TCAF2: variants seen among roughly 807,000 people sequenced by gnomAD.
TCAF2 encodes TRPM8 channel-associated factor 2.
A neutral mutation model predicts 33.9 loss-of-function variants in TCAF2; 6 were observed. The observed-to-expected ratio is 0.18, with a 90% CI of 0.10 to 0.35. The LOEUF is 0.35. Ranked by LOEUF, TCAF2 falls within the 10% of genes least tolerant of loss-of-function variation. The pLI is 1.00. For missense variants in TCAF2, 109 were observed against 604.0 expected (o/e 0.18, Z 8.59); for synonymous variants, 41 against 247.8 (o/e 0.17, Z 7.84).
At position 143,622,683 on chromosome 7, in the gene TCAF2, C is replaced by T. The variant is rs1447268925; in HGVS notation, c.-12+1663C>T. Reference sequence around the variant, plus strand: ...CGATATCGGCTCACTGCAACCTCCGCCCCCCACCGTCAGGGTTCAAGAAAT... The same window carrying T: ...CGATATCGGCTCACTGCAACCTCCGTCCCCCACCGTCAGGGTTCAAGAAAT... On this transcript the variant is annotated intron_variant, in intron 1 of 7. Transcript: ENST00000684770. 4.8e-4 allele frequency among the ~76,000 whole-genome samples: 6 copies of T among 12,374 alleles called. 2 individuals carry two copies. The highest frequency in any genetic ancestry group is 5.8e-4 in the Non-Finnish European group (3 of 5,198). The allele number at this position is 12,374 out of a possible 152,430, so 8.1% of individuals were successfully genotyped here.
intron 7 of TCAF2, among the ~76,000 whole-genome samples, chr7:143,725,276 T>C (rs1208539898): frequency 3.4e-5 from 5 of 146,782 alleles, no homozygotes; most frequent in African/African-American, 1.3e-4. Context: ...GTCAACCCAA[T>C]AGTAGAACAC....
intron 7 of TCAF2, among the ~76,000 whole-genome samples, chr7:143,725,361 T>C (rs1319723834): frequency 3.9e-5 from 6 of 151,900 alleles, no homozygotes; most frequent in African/African-American, 1.5e-4. Flanking sequence ...CTGCATTGAA[T>C]GTCGATGTTT....
Position 143,724,758 on chromosome 7 carries a change from G to A in TCAF2, c.2505+61G>A, listed in dbSNP as rs1281285477. The A allele has an allele frequency of 1.5e-5, 19 of 1,266,968 alleles. 1 individual carries two copies. In the South Asian group the frequency reaches 1.6e-4, roughly 11 times the overall value. 78.5% of individuals were successfully genotyped at this position (1,266,968 alleles called of 1,614,324 possible). A position where few individuals can be genotyped will look rare whatever the true frequency, so the allele number is the denominator to read the frequency against. ...AGACCCCTCAGTCATGTAGCGACCT[G>A]GATCCCAGTAGCCCTCCACCTCCTT... On this transcript the variant is annotated intron_variant, in intron 7 of 7. Transcript: ENST00000684770.
Position 143,701,872 on chromosome 7 carries a change from T to G in TCAF2, c.-11-1112T>G, listed in dbSNP as rs1329528338. ...TTCTCTCGCACAGGCTAGAGTCCAC[T>G]GGTGCGATATCGGCTCACTGCAACC... On this transcript the variant is annotated intron_variant, in intron 1 of 7. Coordinates refer to ENST00000684770, the MANE Select transcript of TCAF2 (RefSeq NM_001363538.2). 1.1e-3 allele frequency among the ~76,000 whole-genome samples: 99 copies of G among 90,362 alleles called. 5 individuals are homozygous for G. Among genetic ancestry groups the G allele is most frequent in the Admixed American group, 0.011 (97 of 9,130 alleles). 59.3% of individuals were successfully genotyped at this position (90,362 alleles called of 152,430 possible).
chr7:143,635,069 T>C lies in TCAF2; in HGVS notation c.-12+14049T>C, dbSNP rs1808913479. Among the ~76,000 whole-genome samples the C allele has an allele frequency of 3.7e-5, 2 of 53,386 alleles. 1 individual carries two copies. The highest frequency in any genetic ancestry group is 5.7e-4 in the Admixed American group (2 of 3,506). The allele number at this position is 53,386 out of a possible 152,430, so 35.0% of individuals were successfully genotyped here. Reference sequence around the variant, plus strand: ...TGTCCTGTTTATATTTATCAGAGAGTGAAATAAATCCAGAAGAGTATTTTT... The same window carrying C: ...TGTCCTGTTTATATTTATCAGAGAGCGAAATAAATCCAGAAGAGTATTTTT... On this transcript the variant is annotated intron_variant, in intron 1 of 7. Coordinates refer to ENST00000684770, the MANE Select transcript of TCAF2 (RefSeq NM_001363538.2).
In TCAF2 at chr7:143,729,605, T is replaced by C. The variant is rs1277684869; in HGVS notation, c.*1938T>C. ...CAACTCCAGAACTGATGTTCTTTTTTTTTTTTCATTTAAGTTCTGGGATAC... is the reference window on the plus strand; with the variant it reads ...CAACTCCAGAACTGATGTTCTTTTTCTTTTTTCATTTAAGTTCTGGGATAC... On this transcript the variant is annotated 3_prime_UTR_variant, in exon 8 of 8. Coordinates refer to ENST00000684770, the MANE Select transcript of TCAF2 (RefSeq NM_001363538.2). 2 of 152,164 alleles carry C rather than the reference T, an allele frequency of 1.3e-5. No homozygotes were observed. Among genetic ancestry groups the C allele is most frequent in the African/African-American group, 4.8e-5 (2 of 41,426 alleles). 9.4% of individuals were successfully genotyped at this position (152,164 alleles called of 1,614,324 possible).
chr7:143,730,279 G>A lies in TCAF2; in HGVS notation c.*2612G>A, dbSNP rs1182375592. On this transcript the variant is annotated 3_prime_UTR_variant, in exon 8 of 8. Transcript: ENST00000684770. Reference sequence around the variant, plus strand: ...GCCTCACCAACATCTGTTGTTTCCTGACTTTTTAATGATCGCCATTCTAAC... The same window carrying A: ...GCCTCACCAACATCTGTTGTTTCCTAACTTTTTAATGATCGCCATTCTAAC... The A allele has an allele frequency of 2.0e-5, 3 of 152,068 alleles. No homozygotes were observed. The highest frequency in any genetic ancestry group is 2.0e-4 in the Admixed American group (3 of 15,268). 9.4% of individuals were successfully genotyped at this position (152,068 alleles called of 1,614,324 possible). A position where few individuals can be genotyped will look rare whatever the true frequency, so the allele number is the denominator to read the frequency against.
intron 2 of TCAF2, among the ~76,000 whole-genome samples, chr7:143,707,343 A>AAG: frequency 3.6e-5 from 2 of 55,896 alleles, no homozygotes; most frequent in Non-Finnish European, 6.5e-5. Context: ...AAAAAAAAAA[A>AAG]AAAAGTGTTA....
intron 1 of TCAF2, among the ~76,000 whole-genome samples, chr7:143,648,467 G>A (rs539706602): frequency 1.4e-5 from 2 of 141,634 alleles, no homozygotes; most frequent in African/African-American, 2.5e-5. Context: ...CCCAGAGAAA[G>A]TAGTACTGCT....
Position 143,728,970 on chromosome 7 carries a change from C to G in TCAF2, c.*1303C>G, listed in dbSNP as rs1809749976. On this transcript the variant is annotated 3_prime_UTR_variant, in exon 8 of 8. Coordinates refer to ENST00000684770, the MANE Select transcript of TCAF2 (RefSeq NM_001363538.2). ...TTAGGAGAACTAATTTAGGGCATGT[C>G]TTTTGCTGAATCCCGTCAGCATATT... The G allele has an allele frequency of 6.6e-6, 1 of 152,146 alleles. No homozygotes were observed. The highest frequency in any genetic ancestry group is 2.4e-5 in the African/African-American group (1 of 41,422). 9.4% of individuals were successfully genotyped at this position (152,146 alleles called of 1,614,324 possible).
chr7:143,724,505 C>T lies in TCAF2; in HGVS notation c.2313C>T (p.Pro771=). ...AACAGCGGCATGGATGGGAGTTCCC[C>T]CCACACACTACTGAGGCCACCTGTA... ...HNQQRHGWEF[P]PHTTEATCNL... Residue 771 remains proline (P), a synonymous_variant, in exon 7 of 8, where the codon CCC becomes CCT. Transcript: ENST00000684770. 6.2e-7 allele frequency: 1 copy of T among 1,611,160 alleles called. No homozygotes were observed. Among genetic ancestry groups the T allele is most frequent in the Non-Finnish European group, 8.5e-7 (1 of 1,179,552 alleles).
In TCAF2 at chr7:143,703,408, G is replaced by A; in HGVS notation, c.414G>A (p.Thr138=). 3 of 355,362 alleles carry A rather than the reference G, an allele frequency of 8.4e-6. 1 individual carries two copies. Among genetic ancestry groups the A allele is most frequent in the East Asian group, 4.2e-4 (2 of 4,782 alleles). 22.0% of individuals were successfully genotyped at this position (355,362 alleles called of 1,614,324 possible). A position where few individuals can be genotyped will look rare whatever the true frequency, so the allele number is the denominator to read the frequency against. Reference sequence around the variant, plus strand: ...CCTACAATGACACCTTGACTGCAACGCTGATCCAGTTTGTGAAACATGGAG... The same window carrying A: ...CCTACAATGACACCTTGACTGCAACACTGATCCAGTTTGTGAAACATGGAG... ...INAYNDTLTA[T]LIQFVKHGGG... The change falls in exon 2 of 8, where the codon ACG becomes ACA. Residue 138 remains threonine (T), a synonymous_variant. Coordinates refer to ENST00000684770, the MANE Select transcript of TCAF2 (RefSeq NM_001363538.2).
At chr7:143,724,827 A>G (rs1004256875) in intron 7 of TCAF2, 130 bp downstream of exon 7, 1 of 1,577,832 alleles carries the variant, frequency 6.3e-7, no homozygotes, top group African/African-American at 1.4e-5. Flanking sequence ...TGGAAATGAG[A>G]GGGACTGGGC....
chr7:143,647,685 T>G (rs1809082166), intron 1 of TCAF2: 1 of 442,768 alleles, frequency 2.3e-6, no homozygotes, highest in African/African-American at 2.5e-5. Context: ...TACAGTCAGT[T>G]AATGAGCCAC....
chr7:143,729,152 G>A lies in TCAF2; in HGVS notation c.*1485G>A, dbSNP rs544622348. ...GTGATTAGTATGTTCCAGGCATTGC[G>A]TGAGCTATTTACTGTGAGTGATTTA... On this transcript the variant is annotated 3_prime_UTR_variant, in exon 8 of 8. Coordinates refer to ENST00000684770, the MANE Select transcript of TCAF2 (RefSeq NM_001363538.2). The A allele has an allele frequency of 1.5e-4, 23 of 152,278 alleles. No homozygotes were observed. The highest frequency in any genetic ancestry group is 2.1e-4 in the South Asian group (1 of 4,818). The allele number at this position is 152,278 out of a possible 1,614,324, so 9.4% of individuals were successfully genotyped here.
chr7:143,729,291 T>C lies in TCAF2; in HGVS notation c.*1624T>C, dbSNP rs1055127909. ...AAGTTTTTTGAAGTCACAAAGTGAATAAAAGGAAGAACCAGGGTTTAATTG... is the reference window on the plus strand; with the variant it reads ...AAGTTTTTTGAAGTCACAAAGTGAACAAAAGGAAGAACCAGGGTTTAATTG... On this transcript the variant is annotated 3_prime_UTR_variant, in exon 8 of 8. Coordinates refer to ENST00000684770, the MANE Select transcript of TCAF2 (RefSeq NM_001363538.2). 7.9e-5 allele frequency: 12 copies of C among 152,128 alleles called. No homozygotes were observed. Among genetic ancestry groups the C allele is most frequent in the Non-Finnish European group, 8.8e-5 (6 of 68,008 alleles). 9.4% of individuals were successfully genotyped at this position (152,128 alleles called of 1,614,324 possible). A position where few individuals can be genotyped will look rare whatever the true frequency, so the allele number is the denominator to read the frequency against.
rs1809613829 is a variant in TCAF2, at chr7:143,724,549, T to G, written c.2357T>G (p.Val786Gly). 2 of 1,610,710 alleles carry G rather than the reference T, an allele frequency of 1.2e-6. No individual in the cohort carries two copies. Among genetic ancestry groups the G allele is most frequent in the Non-Finnish European group, 1.7e-6 (2 of 1,179,454 alleles). ...ACCTGTAACCTTTGGTCAGTCTACG[T>G]GCATGAAACAGTCCTGGGGATCCCC... ...EATCNLWSVY[V>G]HETVLGIPRA... Residue 786 changes from valine to glycine, a missense_variant, in exon 7 of 8, where the codon GTG becomes GGG. By Grantham distance (109) the Val-to-Gly change is moderately radical (BLOSUM62 -3). Transcript: ENST00000684770.
chr7:143,730,079 T>A lies in TCAF2; in HGVS notation c.*2412T>A, dbSNP rs1037650800. 2.6e-5 allele frequency: 4 copies of A among 152,220 alleles called. No individual in the cohort carries two copies. The highest frequency in any genetic ancestry group is 9.6e-5 in the African/African-American group (4 of 41,454). 9.4% of individuals were successfully genotyped at this position (152,220 alleles called of 1,614,324 possible). A position where few individuals can be genotyped will look rare whatever the true frequency, so the allele number is the denominator to read the frequency against. On this transcript the variant is annotated 3_prime_UTR_variant, in exon 8 of 8. Transcript: ENST00000684770. ...GCTGCAATAAAAGTATGTGTGCATG[T>A]GTCTTTATAGTAGAATGGTTTATAG... is the stretch of plus-strand genomic sequence containing the variant.
chr7:143,708,502 A>G (rs1441270009), intron 2 of TCAF2, among the ~76,000 whole-genome samples: 2 of 44,922 alleles, frequency 4.5e-5, no homozygotes, highest in East Asian at 2.6e-3. Context: ...GTAGAGCACA[A>G]TGGTCTGATT....
Sources: allele counts gnomAD v4.1 joint callset (sites outside exome capture counted in the v4.1 genomes callset), GRCh38; gene constraint gnomAD v4.1.1; transcripts MANE v1.5; gene names NCBI Gene and HGNC (gene_info 2026-07-23, HGNC 2026-07-21).